The following PBK variants were observed in gnomAD, a reference collection of about 807,000 sequenced individuals.
PBK encodes the protein lymphokine-activated killer T-cell-originated protein kinase.
Under a neutral mutation model 33.5 loss-of-function variants are expected in PBK, and 22 were observed. The ratio of observed to expected loss-of-function variants is 0.66; its 90% CI spans 0.47 to 0.94. The LOEUF (loss-of-function observed/expected upper bound fraction) is 0.94. PBK is among the 40% of genes least tolerant of loss of function. The pLI is 0.00. For synonymous variants in PBK, 129 were observed against 123.8 expected (o/e 1.04, Z -0.28); for missense variants, 376 against 383.4 (o/e 0.98, Z 0.16).
At chr8:27,810,932 A>AT in intron 7 of PBK, 26 bp downstream of exon 7, 1 of 1,362,556 alleles carries the variant, frequency 7.3e-7, no homozygotes, top group Non-Finnish European at 1.0e-6. Context: ...AGAGATTGGG[A>AT]TTTATGTTAG....
At position 27,810,412 on chromosome 8, in the gene PBK, C is replaced by G. The variant is rs1162909825; in HGVS notation, c.862G>C (p.Glu288Gln). ...RPPINMEELDESYQKVIELFS... is the reference protein window; with the variant it reads ...RPPINMEELDQSYQKVIELFS... ...AGTTCAATTACTTTCTGGTATGATTCATCCAGTTCTTCCATATTAATAGGT... is the reference window on the plus strand; with the variant it reads ...AGTTCAATTACTTTCTGGTATGATTGATCCAGTTCTTCCATATTAATAGGT... Residue 288 changes from glutamate (E) to glutamine (Q), a missense_variant, in exon 8 of 8, where the codon GAA becomes CAA. Physicochemically the swap from Glu to Gln is conservative, Grantham distance 29 (BLOSUM62 2). Coordinates refer to ENST00000301905, the MANE Select transcript of PBK (RefSeq NM_018492.4). The G allele has an allele frequency of 6.2e-7, 1 of 1,604,334 alleles. No individual in the cohort carries two copies. Among genetic ancestry groups the G allele is most frequent in the South Asian group, 1.1e-5 (1 of 90,878 alleles).
intron 6 of PBK, among the ~76,000 whole-genome samples, chr8:27,813,565 A>T (rs184929131): frequency 0.013 from 1,978 of 151,232 alleles, 43 homozygotes; most frequent in African/African-American, 0.046. Context: ...ATATGTAAAC[A>T]CTGACCTCAT....
chr8:27,827,316 G>T (rs1409546041), intron 3 of PBK, among the ~76,000 whole-genome samples: 17 of 152,338 alleles, frequency 1.1e-4, no homozygotes. Context: ...GGGAGGCGAA[G>T]GCGGGCAGAT....
At chr8:27,819,146 C>T (rs1423168647) in intron 6 of PBK, among the ~76,000 whole-genome samples, 2 of 152,112 alleles carry the variant, frequency 1.3e-5, no homozygotes, top group Non-Finnish European at 2.9e-5. Flanking sequence ...CTCCTCCTTT[C>T]ATCGAGTTTT....
At chr8:27,816,261 T>C (rs1000418833) in intron 6 of PBK, among the ~76,000 whole-genome samples, 3 of 151,790 alleles carry the variant, frequency 2.0e-5, no homozygotes, top group Non-Finnish European at 4.4e-5. Flanking sequence ...TCTATATTCA[T>C]GGTGCCTGAC....
intron 2 of PBK, among the ~76,000 whole-genome samples, chr8:27,829,784 G>A (rs755095946): frequency 4.7e-5 from 7 of 147,446 alleles, no homozygotes; most frequent in South Asian, 2.2e-4. Context: ...GGAGAATGGC[G>A]TGAACCCAGG....
At chr8:27,820,842 A>T (rs867619234) in intron 5 of PBK, 148 bp from the exon 6 acceptor site, 15,811 of 332,278 alleles carry the variant, frequency 0.048, 229 homozygotes, top group South Asian at 0.077. Flanking sequence ...TTTTTTTTTT[A>T]AAACGGAGTC....
intron 6 of PBK, chr8:27,811,484 C>T: frequency 2.7e-6 from 1 of 369,044 alleles, no homozygotes; most frequent in South Asian, 3.4e-5. Flanking sequence ...GAGCAGATCA[C>T]TTCTAGACCT....
intron 5 of PBK, among the ~76,000 whole-genome samples, chr8:27,820,898 A>G (rs1805914359): frequency 6.7e-6 from 1 of 150,240 alleles, no homozygotes; most frequent in Admixed American, 6.7e-5. Flanking sequence ...ATCTCGGCTC[A>G]CTGCAACCTC....
At chr8:27,835,440 A>T (rs2128966331) in intron 1 of PBK, among the ~76,000 whole-genome samples, 1 of 152,276 alleles carries the variant, frequency 6.6e-6, no homozygotes, top group East Asian at 1.9e-4. Context: ...GGGTTGCAGG[A>T]GGTATTTCTA....
chr8:27,820,496 G>A, intron 6 of PBK, 69 bp downstream of exon 6: 2 of 888,414 alleles, frequency 2.3e-6, no homozygotes, highest in Non-Finnish European at 3.6e-6. Context: ...GATCCATGTG[G>A]ACTTACGTAT....
At chr8:27,816,343 C>CATATATATATATATA (rs1554559819) in intron 6 of PBK, among the ~76,000 whole-genome samples, 1 of 136,368 alleles carries the variant, frequency 7.3e-6, no homozygotes, top group African/African-American at 2.9e-5. Context: ...TCATCGAATA[C>CATATATATATATATA]TATATATATA....
At chr8:27,823,242 A>G (rs1207806254) in intron 3 of PBK, 37 bp from the exon 4 acceptor site, 3 of 1,296,326 alleles carry the variant, frequency 2.3e-6, no homozygotes, top group Non-Finnish European at 3.2e-6. Context: ...ATAGAAAACA[A>G]TAAAACCACA....
rs1413294010 is a variant in PBK at position 27,810,997 on chromosome 8, T to A, written c.733A>T (p.Ile245Phe). ...LTLWEMMTLS[I>F]PHINLSNDDD... ...TCATTTGAAAGATTAATGTGTGGAA[T>A]CGATAAAGTCATCATTTCCCACAAA... The change falls in exon 7 of 8, where the codon ATT becomes TTT. Residue 245 changes from isoleucine to phenylalanine, a missense_variant. By Grantham distance (21) the Ile-to-Phe change is conservative. Coordinates refer to ENST00000301905, the MANE Select transcript of PBK (RefSeq NM_018492.4). 1 of 1,610,948 alleles carries A rather than the reference T, an allele frequency of 6.2e-7. No individual in the cohort carries two copies. The highest frequency in any genetic ancestry group is 1.7e-5 in the Admixed American group (1 of 59,958).
At position 27,828,193 on chromosome 8, in the gene PBK, A is replaced by AT; in HGVS notation, c.63dup (p.Cys22MetfsTer46). ...GGGATATTTATAGTTGGAGTTGAAC[A>AT]TAATACTAAATGTCAGAGAAATAAA... On this transcript the variant is annotated frameshift_variant, in exon 3 of 8. Coordinates refer to ENST00000301905, the MANE Select transcript of PBK (RefSeq NM_018492.4). LOFTEE classifies it high-confidence loss of function. 1.4e-6 allele frequency: 2 copies of AT among 1,440,304 alleles called. No individual in the cohort carries two copies. The highest frequency in any genetic ancestry group is 2.5e-5 in the South Asian group (2 of 81,066). 89.2% of individuals were successfully genotyped at this position (1,440,304 alleles called of 1,614,324 possible). A position where few individuals can be genotyped will look rare whatever the true frequency, so the allele number is the denominator to read the frequency against.
In PBK at chr8:27,816,374, TTTATTTTAA is replaced by T. The variant is rs1175020155; in HGVS notation, c.595+4182_595+4190del. ...ATATATATATTTATTTATTTATTTA[TTTATTTTAA>T]TTTATTTTTTTTTGAGATGGAATCT... On this transcript the variant is annotated intron_variant, in intron 6 of 7. Coordinates refer to ENST00000301905, the MANE Select transcript of PBK (RefSeq NM_018492.4). Among the ~76,000 whole-genome samples, 250 of 109,552 alleles carry T rather than the reference TTTATTTTAA, an allele frequency of 2.3e-3. 2 individuals carry two copies. The highest frequency in any genetic ancestry group is 0.011 in the East Asian group (26 of 2,422). The allele number at this position is 109,552 out of a possible 152,430, so 71.9% of individuals were successfully genotyped here. A position where few individuals can be genotyped will look rare whatever the true frequency, so the allele number is the denominator to read the frequency against.
At chr8:27,819,733 A>G (rs6993037) in intron 6 of PBK, among the ~76,000 whole-genome samples, 23,854 of 152,006 alleles carry the variant, frequency 0.16, 2,356 homozygotes, top group East Asian at 0.36. Flanking sequence ...ATTGAGAAAA[A>G]TACTTTAAAA....
Position 27,810,160 on chromosome 8 carries a change from T to C in PBK, c.*145A>G. On this transcript the variant is annotated 3_prime_UTR_variant, in exon 8 of 8. Transcript: ENST00000301905. ...ATAGCCAATATAAGCATATTTCATATTAGAAATAGTTATCCATATGTTAAC... is the reference window on the plus strand; with the variant it reads ...ATAGCCAATATAAGCATATTTCATACTAGAAATAGTTATCCATATGTTAAC... 3 of 621,290 alleles carry C rather than the reference T, an allele frequency of 4.8e-6. No homozygotes were observed. Among genetic ancestry groups the C allele is most frequent in the Non-Finnish European group, 8.5e-6 (3 of 353,576 alleles). 38.5% of individuals were successfully genotyped at this position (621,290 alleles called of 1,614,324 possible).
chr8:27,816,640 T>G (rs1805820983), intron 6 of PBK, among the ~76,000 whole-genome samples: 1 of 152,006 alleles, frequency 6.6e-6, no homozygotes, highest in Non-Finnish European at 1.5e-5. Context: ...CCTCCCAAAG[T>G]GCTGGGATTA....
Sources: allele counts gnomAD v4.1 joint callset (sites outside exome capture counted in the v4.1 genomes callset), GRCh38; gene constraint gnomAD v4.1.1; transcripts MANE v1.5; gene names NCBI Gene and HGNC (gene_info 2026-07-23, HGNC 2026-07-21).